IL15RA: variants seen among roughly 807,000 people sequenced by gnomAD.
The protein encoded by IL15RA is interleukin 15 receptor subunit alpha.
A neutral mutation model predicts 24.2 loss-of-function variants in IL15RA; 26 were observed. That is an observed-to-expected ratio of 1.07 (90% CI 0.79 to 1.49). IL15RA has a LOEUF of 1.49. IL15RA is among the 40% of genes most tolerant of loss of function. IL15RA has a pLI of 0.00. For synonymous variants in IL15RA, 166 were observed against 157.6 expected, an observed-to-expected ratio of 1.05 and a Z score of -0.40; for missense variants, 354 against 356.4, an observed-to-expected ratio of 0.99 and a Z score of 0.05.
At chr10:5,956,309 C>T in intron 6 of IL15RA, 70 bp downstream of exon 6, 1 of 1,284,478 alleles carries the variant, frequency 7.8e-7, no homozygotes, top group Non-Finnish European at 1.1e-6. Flanking sequence ...GCTACCGCGC[C>T]CGGCCAGGTG....
Position 5,958,101 on chromosome 10 carries a change from G to T in IL15RA, c.617-1647C>A, listed in dbSNP as rs182714724. 1,027 of 247,100 alleles carry T rather than the reference G, an allele frequency of 4.2e-3. 6 individuals carry two copies. Among genetic ancestry groups the T allele is most frequent in the Non-Finnish European group, 5.8e-3 (695 of 119,606 alleles). 15.3% of individuals were successfully genotyped at this position (247,100 alleles called of 1,614,324 possible). ...ACAGAATGTAGCAATCACATGTCCA[G>T]ATAGGGGGTTGGCTAAATTAATGGT... On this transcript the variant is annotated intron_variant, in intron 5 of 6. Coordinates refer to ENST00000379977, the MANE Select transcript of IL15RA (RefSeq NM_002189.4). This position sits in a 1 kb window ranked among gnomAD's most constrained non-coding sequence, Gnocchi z 4.3.
chr10:5,949,460 T>C (rs1041915221), downstream of IL15RA: 2 of 452,626 alleles, frequency 4.4e-6, no homozygotes, highest in African/African-American at 4.0e-5. The surrounding 1 kb of genome is among the most constrained non-coding windows in gnomAD (Gnocchi z 4.4). Context: ...GAGGCTGTGA[T>C]TTGGGTCGGG....
intron 5 of IL15RA, among the ~76,000 whole-genome samples, chr10:5,956,947 T>A (rs1834613979): frequency 1.3e-5 from 2 of 151,368 alleles, no homozygotes; most frequent in Admixed American, 1.3e-4. Flanking sequence ...TCATTTTTTT[T>A]TCACTTGCAA....
intron 1 of IL15RA, chr10:5,977,183 C>A (rs1376744047): frequency 4.3e-5 from 15 of 347,790 alleles, no homozygotes; most frequent in Non-Finnish European, 7.8e-5. Flanking sequence ...GTGGGTGACC[C>A]GGGCGCAGCG....
Position 5,960,463 on chromosome 10 carries a change from T to C in IL15RA, c.487A>G (p.Thr163Ala). 1 of 1,614,082 alleles carries C rather than the reference T, an allele frequency of 6.2e-7. No homozygotes were observed. The part of the protein sequence containing the change: ...MPSKSPSTGT[T>A]EISSHESSHG... The stretch of plus-strand genomic sequence containing the variant: ...GAGGACTCATGACTGCTTATCTCTG[T>C]GGTTCCTGTGGAAGGTGATTTTGAA... Residue 163 changes from threonine (T) to alanine (A), a missense_variant, in exon 4 of 7, where the codon ACA (threonine) becomes GCA (alanine). Transcript: ENST00000379977. This position sits in a 1 kb window ranked among gnomAD's most constrained non-coding sequence, Gnocchi z 5.1.
Position 5,967,842 on chromosome 10 carries a change from T to C in IL15RA, c.89-1503A>G, listed in dbSNP as rs548854466. Among the ~76,000 whole-genome samples, 9 of 152,156 alleles carry C rather than the reference T, an allele frequency of 5.9e-5. No individual in the cohort carries two copies. In the East Asian group the frequency reaches 1.2e-3, roughly 20 times the overall value. ...GGGAGGCTGAGGCAGGCGAATCACC[T>C]GAGGTCAGGAGTTCAGGACCAGCCT... is the stretch of plus-strand genomic sequence containing the variant. On this transcript the variant is annotated intron_variant, in intron 1 of 6. Transcript: ENST00000379977. This position sits in a 1 kb window ranked among gnomAD's most constrained non-coding sequence, Gnocchi z 4.4.
rs1274057570 is a variant in IL15RA at position 5,959,732 on chromosome 10, C to T, written c.616+22G>A. The T allele has an allele frequency of 6.2e-7, 1 of 1,612,130 alleles. No individual in the cohort carries two copies. The highest frequency in any genetic ancestry group is 1.7e-5 in the Admixed American group (1 of 60,012). ...TGCGGTCACCCTGATCATAAACATA[C>T]CGGACAAAGGGACACACTTACCAGT... On this transcript the variant is annotated intron_variant, in intron 5 of 6. Transcript: ENST00000379977. The surrounding 1 kb of genome is among the most constrained non-coding windows in gnomAD (Gnocchi z 4.1).
chr10:5,963,932 C>T lies in IL15RA; in HGVS notation c.284-91G>A, dbSNP rs577697526. ...GGGATACAAATAAAATATATCAACA[C>T]ATGAACTTACAGTGGAGGCCTCTGG... On this transcript the variant is annotated intron_variant, in intron 2 of 6. Coordinates refer to ENST00000379977, the MANE Select transcript of IL15RA (RefSeq NM_002189.4). This position sits in a 1 kb window ranked among gnomAD's most constrained non-coding sequence, Gnocchi z 5.3. The T allele has an allele frequency of 3.8e-4, 293 of 762,328 alleles. 1 individual carries two copies. Among genetic ancestry groups the T allele is most frequent in the Non-Finnish European group, 5.9e-4 (282 of 479,298 alleles). The allele number at this position is 762,328 out of a possible 1,614,324, so 47.2% of individuals were successfully genotyped here. A position where few individuals can be genotyped will look rare whatever the true frequency, so the allele number is the denominator to read the frequency against.
At chr10:5,969,265 A>G (rs993364309) in intron 1 of IL15RA, among the ~76,000 whole-genome samples, 35 of 150,132 alleles carry the variant, frequency 2.3e-4, no homozygotes, top group African/African-American at 8.2e-4. Context: ...AAATTTTTAA[A>G]TTTAATTAAA....
At chr10:5,949,257 G>A (rs913593498), downstream of IL15RA, 3 of 471,134 alleles carry the variant, frequency 6.4e-6, no homozygotes, top group Middle Eastern at 3.2e-4. This position sits in a 1 kb window ranked among gnomAD's most constrained non-coding sequence, Gnocchi z 4.4. Context: ...GTCAGGATGA[G>A]GGACGGACGG....
chr10:5,975,083 C>G lies in IL15RA; in HGVS notation c.88+2322G>C, dbSNP rs1838209728. ...CAGCCACTCTACTCCCAACCATTCTCTACCCATGAGAAATGAAAACATGTG... is the reference window on the plus strand; with the variant it reads ...CAGCCACTCTACTCCCAACCATTCTGTACCCATGAGAAATGAAAACATGTG... On this transcript the variant is annotated intron_variant, in intron 1 of 6. Coordinates refer to ENST00000379977, the MANE Select transcript of IL15RA (RefSeq NM_002189.4). The surrounding 1 kb of genome is among the most constrained non-coding windows in gnomAD (Gnocchi z 4.8). 6.6e-6 allele frequency among the ~76,000 whole-genome samples: 1 copy of G among 151,864 alleles called. No homozygotes were observed. The highest frequency in any genetic ancestry group is 1.5e-5 in the Non-Finnish European group (1 of 67,990).
At position 5,967,364 on chromosome 10, in the gene IL15RA, C is replaced by T. The variant is rs8177681; in HGVS notation, c.89-1025G>A. 0.1 allele frequency among the ~76,000 whole-genome samples: 15,509 copies of T among 152,246 alleles called. 934 individuals are homozygous for T. Among genetic ancestry groups the T allele is most frequent in the Middle Eastern group, 0.18 (54 of 292 alleles). ...TGACTACAGGTGCACACCACCACAC[C>T]CAGCTAATTTTTGTATTTTTAGTAG... is the stretch of plus-strand genomic sequence containing the variant. On this transcript the variant is annotated intron_variant, in intron 1 of 6. Transcript: ENST00000379977. This position sits in a 1 kb window ranked among gnomAD's most constrained non-coding sequence, Gnocchi z 4.4.
In IL15RA at chr10:5,962,957, A is replaced by G. The variant is rs1211450305; in HGVS notation, c.382+786T>C. Among the ~76,000 whole-genome samples the G allele has an allele frequency of 6.6e-6, 1 of 152,184 alleles. No homozygotes were observed. The highest frequency in any genetic ancestry group is 1.5e-5 in the Non-Finnish European group (1 of 68,026). On this transcript the variant is annotated intron_variant, in intron 3 of 6. Transcript: ENST00000379977. The surrounding 1 kb of genome is among the most constrained non-coding windows in gnomAD (Gnocchi z 5.2). ...AAATTGGGCCTGACAAGCACCAAAG[A>G]CTCTGTTGAAACACAGGACACTGGC...
At chr10:5,949,463 G>T, downstream of IL15RA, 1 of 449,594 alleles carries the variant, frequency 2.2e-6, no homozygotes. This position sits in a 1 kb window ranked among gnomAD's most constrained non-coding sequence, Gnocchi z 4.4. Flanking sequence ...GCTGTGATTT[G>T]GGTCGGGCTG....
downstream of IL15RA, among the ~76,000 whole-genome samples, chr10:5,951,141 CAAAAAAAAAAAAAAAAAAAA>C (rs60771366): frequency 8.3e-4 from 30 of 35,956 alleles, no homozygotes; most frequent in Non-Finnish European, 1.2e-3. Flanking sequence ...GACTCAGTCT[CAAAAAAAAAAAAAAAAAAAA>C]AAAAAAAAAA....
At position 5,963,651 on chromosome 10, in the gene IL15RA, C is replaced by A; in HGVS notation, c.382+92G>T. ...TATTGCCTAAGTCTGCAGTGGCACA[C>A]CACAGAGGTCCGTGAGTCTGCAGGA... On this transcript the variant is annotated intron_variant, in intron 3 of 6. Coordinates refer to ENST00000379977, the MANE Select transcript of IL15RA (RefSeq NM_002189.4). The surrounding 1 kb of genome is among the most constrained non-coding windows in gnomAD (Gnocchi z 5.3). 1.4e-6 allele frequency: 1 copy of A among 697,954 alleles called. No individual in the cohort carries two copies. The highest frequency in any genetic ancestry group is 2.3e-6 in the Non-Finnish European group (1 of 439,224). The allele number at this position is 697,954 out of a possible 1,614,324, so 43.2% of individuals were successfully genotyped here.
chr10:5,953,269 G>T lies in IL15RA; in HGVS notation c.693-63C>A. The T allele has an allele frequency of 1.7e-6, 2 of 1,167,952 alleles. No homozygotes were observed. The highest frequency in any genetic ancestry group is 2.6e-6 in the Non-Finnish European group (2 of 775,078). 72.3% of individuals were successfully genotyped at this position (1,167,952 alleles called of 1,614,324 possible). A position where few individuals can be genotyped will look rare whatever the true frequency, so the allele number is the denominator to read the frequency against. ...GGGGGTTGCCCTCAAATCAACAGAC[G>T]CTTCCCACTGAGCATGTATGTCCAG... On this transcript the variant is annotated intron_variant, in intron 6 of 6. Transcript: ENST00000379977. This position sits in a 1 kb window ranked among gnomAD's most constrained non-coding sequence, Gnocchi z 5.3.
upstream of IL15RA, chr10:5,977,692 A>G: frequency 8.2e-7 from 1 of 1,214,080 alleles, no homozygotes; most frequent in Non-Finnish European, 1.0e-6. Context: ...CTGGGGAAGG[A>G]GCCCCGCCGG....
At position 5,953,393 on chromosome 10, in the gene IL15RA, C is replaced by G; in HGVS notation, c.693-187G>C. 4 of 711,666 alleles carry G rather than the reference C, an allele frequency of 5.6e-6. No homozygotes were observed. The South Asian group carries it at 5.9e-5, about 11-fold the overall frequency. 44.1% of individuals were successfully genotyped at this position (711,666 alleles called of 1,614,324 possible). A position where few individuals can be genotyped will look rare whatever the true frequency, so the allele number is the denominator to read the frequency against. Reference sequence around the variant, plus strand: ...TGGAGAGAACCTAGAATGCCTACCTCTACCGAGTGTATTAAATCCTATCTA... The same window carrying G: ...TGGAGAGAACCTAGAATGCCTACCTGTACCGAGTGTATTAAATCCTATCTA... On this transcript the variant is annotated intron_variant, in intron 6 of 6. Coordinates refer to ENST00000379977, the MANE Select transcript of IL15RA (RefSeq NM_002189.4). This position sits in a 1 kb window ranked among gnomAD's most constrained non-coding sequence, Gnocchi z 5.3.
Sources: allele counts gnomAD v4.1 joint callset (sites outside exome capture counted in the v4.1 genomes callset), GRCh38; gene constraint gnomAD v4.1.1; non-coding constraint Gnocchi (gnomAD v3.1); transcripts MANE v1.5; gene names NCBI Gene and HGNC (gene_info 2026-07-23, HGNC 2026-07-21).